Variants in FAM13A observed in about 807,000 individuals in gnomAD.
FAM13A encodes the protein protein FAM13A.
A neutral mutation model predicts 129.6 loss-of-function variants in FAM13A; 76 were observed. That is an observed-to-expected ratio of 0.59 (90% CI 0.49 to 0.71). The LOEUF (loss-of-function observed/expected upper bound fraction) is 0.71. Ranked by LOEUF, FAM13A falls within the 30% of genes least tolerant of loss-of-function variation. FAM13A has a pLI of 0.00. For missense variants in FAM13A, 1,108 were observed against 1,249.3 expected (o/e 0.89, Z 1.70); for synonymous variants, 443 against 449.9 (o/e 0.98, Z 0.20).
At chr4:88,899,329 G>A (rs1579183914) in intron 6 of FAM13A, among the ~76,000 whole-genome samples, 2 of 151,914 alleles carry the variant, frequency 1.3e-5, no homozygotes, top group African/African-American at 4.8e-5. Flanking sequence ...AATGGACTTT[G>A]GGGGAAAGGG....
At chr4:88,820,118 G>A (rs3822072) in intron 7 of FAM13A, among the ~76,000 whole-genome samples, 74,996 of 151,982 alleles carry the variant, frequency 0.49, 18,761 homozygotes, top group East Asian at 0.65. Context: ...CAGTAACAAC[G>A]TATCTTCTAT....
At chr4:88,766,935 A>G (rs1745808641) in intron 13 of FAM13A, among the ~76,000 whole-genome samples, 1 of 152,234 alleles carries the variant, frequency 6.6e-6, no homozygotes, top group Non-Finnish European at 1.5e-5. Context: ...TGAATTAAAA[A>G]TGATGCTCAG....
chr4:88,986,312 T>C (rs952465527), intron 4 of FAM13A, among the ~76,000 whole-genome samples: 2 of 152,118 alleles, frequency 1.3e-5, no homozygotes, highest in African/African-American at 4.8e-5. Context: ...TTTTGTATTT[T>C]TAGTAGAGAT....
chr4:88,990,956 A>G lies in FAM13A; in HGVS notation c.605+17T>C. Reference sequence around the variant, plus strand: ...GGGGGACATGATGATATTAACAGTAAAACTCCACTAACTTACTGAAAGCAA... The same window carrying G: ...GGGGGACATGATGATATTAACAGTAGAACTCCACTAACTTACTGAAAGCAA... On this transcript the variant is annotated intron_variant, in intron 4 of 23. Coordinates refer to ENST00000264344, the MANE Select transcript of FAM13A (RefSeq NM_014883.4). 6.2e-7 allele frequency: 1 copy of G among 1,602,944 alleles called. No homozygotes were observed. Among genetic ancestry groups the G allele is most frequent in the Non-Finnish European group, 8.5e-7 (1 of 1,170,072 alleles).
chr4:88,807,414 C>T (rs1728793596), intron 7 of FAM13A, among the ~76,000 whole-genome samples: 1 of 152,206 alleles, frequency 6.6e-6, no homozygotes, highest in Admixed American at 6.6e-5. Flanking sequence ...CACAAAACTT[C>T]CCTGGTTCTG....
intron 2 of FAM13A, among the ~76,000 whole-genome samples, chr4:89,023,017 G>A (rs1415902554): frequency 6.6e-6 from 1 of 152,102 alleles, no homozygotes; most frequent in Non-Finnish European, 1.5e-5. Context: ...ACACAACTAA[G>A]ATGTATCTGG....
chr4:88,772,341 G>C (rs1222236176), intron 11 of FAM13A, among the ~76,000 whole-genome samples: 2 of 152,148 alleles, frequency 1.3e-5, no homozygotes, highest in Non-Finnish European at 2.9e-5. Context: ...TATTCAAAAA[G>C]AACTACTGGT....
chr4:88,917,423 G>A lies in FAM13A; in HGVS notation c.760-10961C>T, dbSNP rs117578729. On this transcript the variant is annotated intron_variant, in intron 5 of 23. Coordinates refer to ENST00000264344, the MANE Select transcript of FAM13A (RefSeq NM_014883.4). Reference sequence around the variant, plus strand: ...CCCCCCATTAGGTCCCACCTCCAACGCTGAGGACCAAGTATCCACATGAGA... The same window carrying A: ...CCCCCCATTAGGTCCCACCTCCAACACTGAGGACCAAGTATCCACATGAGA... Among the ~76,000 whole-genome samples the A allele has an allele frequency of 1.1e-3, 169 of 152,034 alleles. 3 individuals are homozygous for A. The East Asian group carries it at 0.028, about 26-fold the overall frequency.
At chr4:88,767,624 C>A (rs778391136) in intron 12 of FAM13A, 29 bp from the exon 13 acceptor site, 7 of 1,525,030 alleles carry the variant, frequency 4.6e-6, no homozygotes, top group Admixed American at 3.8e-5. Flanking sequence ...ACAAAAAAAT[C>A]ATAAAATATC....
chr4:88,812,692 C>T lies in FAM13A; in HGVS notation c.1008-7640G>A, dbSNP rs373715902. On this transcript the variant is annotated intron_variant, in intron 7 of 23. Transcript: ENST00000264344. ...TTCATAGCTATAACCGAGTGCTTAG[C>T]ACATAACACTGAAATTCATGAGCTC... Among the ~76,000 whole-genome samples, 3 of 152,164 alleles carry T rather than the reference C, an allele frequency of 2.0e-5. No homozygotes were observed. In the East Asian group the frequency reaches 5.8e-4, roughly 29 times the overall value.
intron 6 of FAM13A, among the ~76,000 whole-genome samples, chr4:88,858,348 C>T (rs1217562144): frequency 6.6e-6 from 1 of 152,164 alleles, no homozygotes; most frequent in African/African-American, 2.4e-5. Context: ...AAAAAGTAAT[C>T]GTTTATACTG....
At chr4:88,751,234 T>G (rs1423506402) in intron 14 of FAM13A, among the ~76,000 whole-genome samples, 2 of 152,110 alleles carry the variant, frequency 1.3e-5, no homozygotes, top group African/African-American at 4.8e-5. Flanking sequence ...AGAGTGAGAC[T>G]TTGTCTCAAA....
intron 4 of FAM13A, among the ~76,000 whole-genome samples, chr4:88,962,418 A>G (rs1198870292): frequency 6.6e-6 from 1 of 152,252 alleles, no homozygotes; most frequent in Non-Finnish European, 1.5e-5. Flanking sequence ...CAAGGATAAG[A>G]GAAAAAACTC....
rs200809385 is a variant in FAM13A at position 89,020,325 on chromosome 4, C to T, written c.427+135G>A. On this transcript the variant is annotated intron_variant, in intron 3 of 23. Transcript: ENST00000264344. ...GAGATGGGGGTCTTGCTTGGTTGCC[C>T]ACGGTGGTCTTCAACTCCTGGCTTC... is the stretch of plus-strand genomic sequence containing the variant. The T allele has an allele frequency of 7.9e-6, 4 of 506,244 alleles. No homozygotes were observed. The African/African-American group carries it at 8.1e-5, about 10-fold the overall frequency. 31.4% of individuals were successfully genotyped at this position (506,244 alleles called of 1,614,324 possible).
chr4:88,999,532 T>A (rs1763976045), intron 3 of FAM13A, among the ~76,000 whole-genome samples: 1 of 152,200 alleles, frequency 6.6e-6, no homozygotes, highest in South Asian at 2.1e-4. Context: ...TAGCACTACA[T>A]TAAATGGGCC....
intron 1 of FAM13A, among the ~76,000 whole-genome samples, chr4:89,051,700 G>A (rs113825725): frequency 1.6e-4 from 24 of 152,112 alleles, no homozygotes; most frequent in African/African-American, 3.4e-4. Flanking sequence ...AACCAGTTAC[G>A]TGCTTCCAAA....
intron 4 of FAM13A, among the ~76,000 whole-genome samples, chr4:88,938,571 A>C (rs1754205382): frequency 6.6e-6 from 1 of 152,250 alleles, no homozygotes; most frequent in South Asian, 2.1e-4. Flanking sequence ...GAGGGTTTTC[A>C]TAACAGAAAT....
chr4:88,975,832 T>A (rs540545183), intron 4 of FAM13A, among the ~76,000 whole-genome samples: 7 of 152,202 alleles, frequency 4.6e-5, no homozygotes, highest in Non-Finnish European at 8.8e-5. Context: ...AGATAAAGTA[T>A]GGTACAGTAA....
chr4:88,955,237 T>C (rs1757557766), intron 4 of FAM13A, among the ~76,000 whole-genome samples: 2 of 152,156 alleles, frequency 1.3e-5, no homozygotes, highest in South Asian at 4.1e-4. Context: ...ATTTATTATA[T>C]TGTTATATTT....
Sources: allele counts gnomAD v4.1 joint callset (sites outside exome capture counted in the v4.1 genomes callset), GRCh38; gene constraint gnomAD v4.1.1; transcripts MANE v1.5; gene names NCBI Gene and HGNC (gene_info 2026-07-23, HGNC 2026-07-21).